The following MIS18A variants were observed in gnomAD, a reference collection of about 807,000 sequenced individuals.
MIS18A encodes protein Mis18-alpha.
Under a neutral mutation model 25.0 loss-of-function variants are expected in MIS18A, and 14 were observed. That is an observed-to-expected ratio of 0.56 (90% confidence interval 0.37 to 0.88). The LOEUF (loss-of-function observed/expected upper bound fraction) is 0.88, where lower values mean the gene tolerates loss of function less well. Among genes scored for constraint, MIS18A ranks in the 40% least tolerant of loss-of-function variants. The pLI, the probability that MIS18A is intolerant of heterozygous loss-of-function variation, is 0.00. For synonymous variants in MIS18A, 134 were observed against 118.6 expected (o/e 1.13, Z -0.84); for missense variants, 292 against 290.8 (o/e 1.00, Z -0.03).
chr21:32,229,529 C>CT, the MIS18A span, among the ~76,000 whole-genome samples: 1 of 152,212 alleles, frequency 6.6e-6, no homozygotes, highest in South Asian at 2.1e-4. Flanking sequence ...GCAACAAGAA[C>CT]TTTAAGTGTT....
chr21:32,223,030 G>A, the MIS18A span, among the ~76,000 whole-genome samples: 15 of 151,686 alleles, frequency 9.9e-5, no homozygotes, highest in Non-Finnish European at 1.9e-4. Flanking sequence ...ATGACTACTG[G>A]GTAAATAACA....
chr21:32,170,161 G>GTATA, the MIS18A span, among the ~76,000 whole-genome samples: 2 of 152,008 alleles, frequency 1.3e-5, no homozygotes, highest in African/African-American at 4.8e-5. Context: ...AAATTACTGG[G>GTATA]TATATACCCA....
At chr21:32,227,254 A>T in the MIS18A span, among the ~76,000 whole-genome samples, 1 of 152,114 alleles carries the variant, frequency 6.6e-6, no homozygotes, top group Non-Finnish European at 1.5e-5. Context: ...TAATAAAAAT[A>T]AATCAATAAA....
At chr21:32,248,769 A>G in the MIS18A span, among the ~76,000 whole-genome samples, 1 of 152,226 alleles carries the variant, frequency 6.6e-6, no homozygotes, top group Non-Finnish European at 1.5e-5. Flanking sequence ...CCTGCAGACC[A>G]GGGCAGCTAC....
the MIS18A span, among the ~76,000 whole-genome samples, chr21:32,221,510 C>T: frequency 6.6e-6 from 1 of 152,066 alleles, no homozygotes; most frequent in Non-Finnish European, 1.5e-5. Flanking sequence ...AAACCGGTAC[C>T]AGCCACTGCA....
chr21:32,231,936 A>C, the MIS18A span, among the ~76,000 whole-genome samples: 2 of 152,208 alleles, frequency 1.3e-5, no homozygotes, highest in South Asian at 2.1e-4. Context: ...CAAAACAAAA[A>C]AAAGAGTTAC....
At chr21:32,178,521 C>A in the MIS18A span, among the ~76,000 whole-genome samples, 1 of 152,134 alleles carries the variant, frequency 6.6e-6, no homozygotes, top group Non-Finnish European at 1.5e-5. Context: ...GCTAGCTCTC[C>A]AATTCTAGGT....
At chr21:32,205,030 A>C in the MIS18A span, among the ~76,000 whole-genome samples, 1 of 151,734 alleles carries the variant, frequency 6.6e-6, no homozygotes, top group Non-Finnish European at 1.5e-5. Context: ...TCTCCACCAA[A>C]GTCCTGGCAA....
chr21:32,163,652 T>C, the MIS18A span, among the ~76,000 whole-genome samples: 2,400 of 152,304 alleles, frequency 0.016, 66 homozygotes, highest in African/African-American at 0.054. Flanking sequence ...CCTCTCCAGA[T>C]TGTTTCATCT....
chr21:32,245,679 A>C, the MIS18A span, among the ~76,000 whole-genome samples: 1 of 152,128 alleles, frequency 6.6e-6, no homozygotes, highest in African/African-American at 2.4e-5. Flanking sequence ...GTCCTTCCAA[A>C]CCTTCAGTAA....
chr21:32,165,258 A>T, the MIS18A span, among the ~76,000 whole-genome samples: 4 of 152,146 alleles, frequency 2.6e-5, no homozygotes, highest in Non-Finnish European at 5.9e-5. Flanking sequence ...GCTTGAACCC[A>T]GGAGGCGGTG....
intron 2 of MIS18A, among the ~76,000 whole-genome samples, chr21:32,270,770 T>C (rs78312287): frequency 0.024 from 3,596 of 152,326 alleles, 153 homozygotes; most frequent in African/African-American, 0.082. Context: ...AGAGAGAATA[T>C]TGAGGTGGTG....
At chr21:32,243,842 A>C in the MIS18A span, among the ~76,000 whole-genome samples, 1 of 152,016 alleles carries the variant, frequency 6.6e-6, no homozygotes, top group Non-Finnish European at 1.5e-5. Context: ...ACATGATGAA[A>C]CCCTGTCTCT....
chr21:32,255,391 C>T, the MIS18A span, among the ~76,000 whole-genome samples: 2 of 151,708 alleles, frequency 1.3e-5, no homozygotes, highest in Admixed American at 6.6e-5. Flanking sequence ...CCACAATGCC[C>T]GGCTAATTTT....
chr21:32,277,714 G>C (rs888158795), intron 1 of MIS18A: 5 of 152,176 alleles, frequency 3.3e-5, no homozygotes, highest in African/African-American at 1.2e-4. Context: ...TCAATCTCCG[G>C]ATCTCGTGAT....
At chr21:32,256,371 G>A in the MIS18A span, among the ~76,000 whole-genome samples, 1 of 151,900 alleles carries the variant, frequency 6.6e-6, no homozygotes, top group Non-Finnish European at 1.5e-5. Flanking sequence ...ATTCCCACCC[G>A]ACTCAGTTTC....
chr21:32,275,305 T>G (rs2031790088), intron 1 of MIS18A, among the ~76,000 whole-genome samples: 2 of 152,070 alleles, frequency 1.3e-5, no homozygotes. Context: ...TGGCTAAAAT[T>G]AGAGGGGAAA....
chr21:32,241,877 T>TTTGTTG, the MIS18A span, among the ~76,000 whole-genome samples: 1 of 137,934 alleles, frequency 7.2e-6, no homozygotes, highest in Admixed American at 7.6e-5. Flanking sequence ...TTTTGGGTTT[T>TTTGTTG]TTGTTGTTGT....
At chr21:32,209,761 G>T in the MIS18A span, among the ~76,000 whole-genome samples, 14 of 152,118 alleles carry the variant, frequency 9.2e-5, no homozygotes, top group Non-Finnish European at 1.8e-4. Flanking sequence ...AGATCCGATG[G>T]TTTTTTAAGG....
Sources: allele counts gnomAD v4.1 joint callset (sites outside exome capture counted in the v4.1 genomes callset), GRCh38; gene constraint gnomAD v4.1.1; transcripts MANE v1.5; gene names NCBI Gene and HGNC (gene_info 2026-07-23, HGNC 2026-07-21).